Variants in FAM185A observed in about 807,000 individuals in gnomAD.
FAM185A encodes the protein family with sequence similarity 185 member A, also known as protein FAM185A.
FAM185A carries 21 observed loss-of-function variants against 45.7 expected under a neutral mutation model. The observed-to-expected ratio is 0.46, with a 90% CI of 0.33 to 0.66. FAM185A has a LOEUF of 0.66. Among genes scored for constraint, FAM185A ranks in the 30% least tolerant of loss-of-function variants. FAM185A has a pLI of 0.03. For synonymous variants in FAM185A, 117 were observed against 194.0 expected, an observed-to-expected ratio of 0.60 and a Z score of 3.30; for missense variants, 305 against 485.4, an observed-to-expected ratio of 0.63 and a Z score of 3.49.
chr7:102,832,722 T>C, the FAM185A span: 4 of 1,242,130 alleles, frequency 3.2e-6, no homozygotes, highest in Non-Finnish European at 3.2e-6. Context: ...AAAAATCCAA[T>C]GAATACCTCA....
chr7:102,807,869 G>A (rs1463917583), intron 7 of FAM185A, among the ~76,000 whole-genome samples: 1 of 152,090 alleles, frequency 6.6e-6, no homozygotes, highest in East Asian at 1.9e-4. Flanking sequence ...AACCAGCCTG[G>A]CCAACATGGT....
At chr7:102,806,972 C>T (rs368405519) in intron 7 of FAM185A, among the ~76,000 whole-genome samples, 3 of 152,060 alleles carry the variant, frequency 2.0e-5, no homozygotes, top group East Asian at 3.8e-4. Flanking sequence ...GTGCCATGAA[C>T]AGTCAGCAAA....
At chr7:102,842,101 T>C in the FAM185A span, among the ~76,000 whole-genome samples, 1 of 152,188 alleles carries the variant, frequency 6.6e-6, no homozygotes, top group Non-Finnish European at 1.5e-5. Flanking sequence ...AAGAGAGACT[T>C]TGCCAAGCAA....
chr7:102,843,385 G>A, the FAM185A span, among the ~76,000 whole-genome samples: 2 of 152,090 alleles, frequency 1.3e-5, no homozygotes, highest in Non-Finnish European at 2.9e-5. Context: ...AGAGGTTGCA[G>A]TGAGCCAACA....
the FAM185A span, among the ~76,000 whole-genome samples, chr7:102,824,859 A>C: frequency 4.7e-5 from 7 of 149,516 alleles, no homozygotes; most frequent in Admixed American, 2.7e-4. Flanking sequence ...CCTGGGCTCA[A>C]GCTGTCTTCT....
At chr7:102,786,638 T>C (rs1022385784) in intron 6 of FAM185A, among the ~76,000 whole-genome samples, 2 of 151,960 alleles carry the variant, frequency 1.3e-5, no homozygotes, top group Admixed American at 1.3e-4. Context: ...TGAGAACACA[T>C]GGACACAGGA....
the FAM185A span, among the ~76,000 whole-genome samples, chr7:102,846,048 C>T: frequency 6.6e-6 from 1 of 152,140 alleles, no homozygotes. Context: ...GTATTGCCTA[C>T]CTCATAAAGT....
chr7:102,759,301 C>G (rs1346788262), intron 3 of FAM185A, among the ~76,000 whole-genome samples: 1 of 151,828 alleles, frequency 6.6e-6, no homozygotes, highest in Non-Finnish European at 1.5e-5. Flanking sequence ...ATCTTGGCCA[C>G]TGTTTCCTCT....
chr7:102,761,285 G>A lies in FAM185A; in HGVS notation c.667G>A (p.Asp223Asn), dbSNP rs551930425. ...TTTCTCTTACTAGGCTGTGACCATA[G>A]ATAAACTGCAGGGAAGTTCTGTTAC... Reference protein sequence around the residue: ...HASDKSAVTIDKLQGSSVTVS... With the variant: ...HASDKSAVTINKLQGSSVTVS... Residue 223 changes from aspartate (D) to asparagine (N), a missense_variant, in exon 4 of 8, where the codon GAT becomes AAT. Asp to Asn is a conservative substitution (Grantham distance 23, BLOSUM62 1). Coordinates refer to ENST00000413034, the MANE Select transcript of FAM185A (RefSeq NM_001145268.2). The A allele has an allele frequency of 6.5e-7, 1 of 1,543,222 alleles. No homozygotes were observed. Among genetic ancestry groups the A allele is most frequent in the East Asian group, 2.5e-5 (1 of 40,386 alleles).
chr7:102,826,773 G>GTA, the FAM185A span, among the ~76,000 whole-genome samples: 2 of 55,732 alleles, frequency 3.6e-5, no homozygotes, highest in Non-Finnish European at 7.3e-5. Flanking sequence ...ATATATATAT[G>GTA]TATATATATC....
At chr7:102,806,926 G>A (rs1279361301) in intron 7 of FAM185A, among the ~76,000 whole-genome samples, 3 of 152,098 alleles carry the variant, frequency 2.0e-5, no homozygotes, top group South Asian at 2.1e-4. Flanking sequence ...AAAGAGTTCC[G>A]GAGGGGAGCA....
downstream of FAM185A, chr7:102,813,209 G>T: frequency 1.3e-6 from 1 of 781,404 alleles, no homozygotes; most frequent in Non-Finnish European, 2.0e-6. Context: ...ATTTGTAGTT[G>T]GAATAAGAAT....
intron 4 of FAM185A, 143 bp from the exon 5 acceptor site, chr7:102,772,266 C>A: frequency 3.6e-6 from 2 of 558,292 alleles, no homozygotes; most frequent in South Asian, 4.1e-5. Context: ...ACAGCTCAAT[C>A]TTTGACTGGA....
At chr7:102,793,990 A>C (rs1470596188) in intron 7 of FAM185A, among the ~76,000 whole-genome samples, 1 of 144,474 alleles carries the variant, frequency 6.9e-6, no homozygotes, top group East Asian at 2.2e-4. Flanking sequence ...CAGTGAGCCG[A>C]GATCGTGCCA....
the FAM185A span, among the ~76,000 whole-genome samples, chr7:102,830,963 A>T: frequency 2.0e-5 from 3 of 152,206 alleles, no homozygotes; most frequent in Admixed American, 6.5e-5. Context: ...TTAAGAGTGG[A>T]GGACTAAAAA....
At chr7:102,813,497 G>T (rs770665788), downstream of FAM185A, 8 of 1,614,106 alleles carry the variant, frequency 5.0e-6, no homozygotes, top group South Asian at 8.8e-5. Flanking sequence ...TATTCCTGCT[G>T]CTGAACTTTA....
intron 1 of FAM185A, among the ~76,000 whole-genome samples, chr7:102,751,415 C>T (rs1245086957): frequency 1.3e-5 from 2 of 151,962 alleles, no homozygotes; most frequent in Admixed American, 1.3e-4. Context: ...CACAGGAGTA[C>T]TTAACAGAAT....
rs1394488202 is a variant in FAM185A at position 102,749,513 on chromosome 7, G to C, written c.306G>C (p.Leu102=). 6.6e-7 allele frequency: 1 copy of C among 1,523,576 alleles called. No individual in the cohort carries two copies. Among genetic ancestry groups the C allele is most frequent in the African/African-American group, 1.4e-5 (1 of 72,420 alleles). The allele number at this position is 1,523,576 out of a possible 1,614,324, so 94.4% of individuals were successfully genotyped here. The change falls in exon 1 of 8, where the codon CTG becomes CTC. Residue 102 remains leucine (L), a synonymous_variant. Transcript: ENST00000413034. ...CCTACCCGGATGGCGACCGCGTGCT[G>C]GTCGCGGTGTGCGGCGTGGAGGGCG... ...PLTYPDGDRV[L]VAVCGVEGGV... is the part of the protein sequence containing the mutation.
chr7:102,781,935 A>C (rs1294968973), intron 6 of FAM185A, among the ~76,000 whole-genome samples: 3 of 152,214 alleles, frequency 2.0e-5, no homozygotes, highest in Non-Finnish European at 4.4e-5. Flanking sequence ...GCTAACTAGA[A>C]TAATCAATGC....
Sources: allele counts gnomAD v4.1 joint callset (sites outside exome capture counted in the v4.1 genomes callset), GRCh38; gene constraint gnomAD v4.1.1; transcripts MANE v1.5; gene names NCBI Gene and HGNC (gene_info 2026-07-23, HGNC 2026-07-21).